The following PARD3 variants were observed in gnomAD, a reference collection of about 807,000 sequenced individuals.
PARD3 encodes partitioning defective 3 homolog.
In PARD3, 75 loss-of-function variants were observed where a neutral mutation model predicts 155.4. The observed-to-expected ratio is 0.48, with a 90% CI of 0.40 to 0.58. PARD3 has a LOEUF of 0.58. Among genes scored for constraint, PARD3 ranks in the 20% least tolerant of loss-of-function variants. The pLI is 0.00. For missense variants in PARD3, 1,642 were observed against 1,721.7 expected (o/e 0.95, Z 0.82); for synonymous variants, 576 against 610.5 (o/e 0.94, Z 0.83).
chr10:34,323,771 T>C (rs961683390), intron 19 of PARD3, among the ~76,000 whole-genome samples: 3 of 152,228 alleles, frequency 2.0e-5, no homozygotes, highest in Non-Finnish European at 4.4e-5. Context: ...CTCCCTTCCC[T>C]AGACAATGTT....
intron 2 of PARD3, among the ~76,000 whole-genome samples, chr10:34,601,169 C>T (rs145892040): frequency 1.4e-3 from 211 of 150,846 alleles, no homozygotes; most frequent in African/African-American, 5.0e-3. Context: ...CCTTGTAATC[C>T]TAATGCTTTG....
chr10:34,490,335 T>C (rs189471662), intron 3 of PARD3, among the ~76,000 whole-genome samples: 145 of 152,182 alleles, frequency 9.5e-4, no homozygotes, highest in Non-Finnish European at 1.4e-3. Flanking sequence ...TATTTTATTA[T>C]TAGGGGATTT....
At chr10:34,416,018 T>C (rs1345110608) in intron 5 of PARD3, among the ~76,000 whole-genome samples, 4 of 152,176 alleles carry the variant, frequency 2.6e-5, no homozygotes, top group Non-Finnish European at 4.4e-5. Context: ...GCTGTTCCTA[T>C]TCTAGGAATA....
intron 2 of PARD3, among the ~76,000 whole-genome samples, chr10:34,530,622 T>C (rs2082782467): frequency 6.6e-6 from 1 of 152,252 alleles, no homozygotes; most frequent in South Asian, 2.1e-4. Flanking sequence ...TTGTCAATTT[T>C]GTGAAGTCAT....
chr10:34,750,517 A>T (rs1159664424), intron 1 of PARD3, among the ~76,000 whole-genome samples: 1 of 150,140 alleles, frequency 6.7e-6, no homozygotes, highest in Non-Finnish European at 1.5e-5. Flanking sequence ...ACACCCTAAG[A>T]CTATAGAGGA....
At chr10:34,694,632 G>A (rs948728517) in intron 2 of PARD3, among the ~76,000 whole-genome samples, 5 of 151,674 alleles carry the variant, frequency 3.3e-5, no homozygotes, top group East Asian at 1.9e-4. Flanking sequence ...CACCACAGCC[G>A]GCTAATTTTT....
chr10:34,813,076 A>G (rs952868003), intron 1 of PARD3, among the ~76,000 whole-genome samples: 1 of 152,222 alleles, frequency 6.6e-6, no homozygotes, highest in Non-Finnish European at 1.5e-5. Flanking sequence ...GAACAGTGCC[A>G]TGGACACAGT....
intron 3 of PARD3, among the ~76,000 whole-genome samples, chr10:34,482,994 CA>C (rs11362384): frequency 0.059 from 8,435 of 142,666 alleles, 775 homozygotes; most frequent in African/African-American, 0.2. Flanking sequence ...ACTAAAAATA[CA>C]AAAAAAAAAA....
chr10:34,814,843 G>T, intron 1 of PARD3, 33 bp downstream of exon 1: 2 of 684,282 alleles, frequency 2.9e-6, no homozygotes, highest in South Asian at 1.7e-5. Flanking sequence ...CCCCGCCGCC[G>T]CCCCCTCCCC....
intron 1 of PARD3, among the ~76,000 whole-genome samples, chr10:34,799,141 A>C (rs1842613562): frequency 6.6e-6 from 1 of 152,152 alleles, no homozygotes; most frequent in Non-Finnish European, 1.5e-5. Context: ...TCCCGGGATC[A>C]AGCGATTCTC....
At chr10:34,494,000 G>A (rs2080101766) in intron 3 of PARD3, among the ~76,000 whole-genome samples, 1 of 152,150 alleles carries the variant, frequency 6.6e-6, no homozygotes. Flanking sequence ...TTTACACCAT[G>A]GAAATGGGAA....
At chr10:34,418,977 C>A (rs1253379078) in intron 5 of PARD3, among the ~76,000 whole-genome samples, 1 of 151,856 alleles carries the variant, frequency 6.6e-6, no homozygotes, top group East Asian at 1.9e-4. Context: ...CACTATGCTG[C>A]CCAGCCCAGG....
At chr10:34,747,459 A>G (rs1564574783) in intron 1 of PARD3, among the ~76,000 whole-genome samples, 1 of 152,220 alleles carries the variant, frequency 6.6e-6, no homozygotes, top group South Asian at 2.1e-4. Context: ...CTCCTACTTT[A>G]AAAAAAGAAA....
In PARD3 at chr10:34,802,005, TA is replaced by T. The variant is rs1478390563; in HGVS notation, c.120+12870del. On this transcript the variant is annotated intron_variant, in intron 1 of 24. Coordinates refer to ENST00000374788, the MANE Select transcript of PARD3 (RefSeq NM_001184785.2). ...TTATACTTTTATCCTTTCCAAGTTT[TA>T]AAAGTATTTTTAATGAAAAATGTGT... 2.0e-5 allele frequency among the ~76,000 whole-genome samples: 3 copies of T among 152,210 alleles called. No homozygotes were observed. The East Asian group carries it at 5.8e-4, about 29-fold the overall frequency.
intron 21 of PARD3, among the ~76,000 whole-genome samples, chr10:34,273,664 A>G (rs1955740510): frequency 6.6e-6 from 1 of 152,206 alleles, no homozygotes; most frequent in Non-Finnish European, 1.5e-5. Context: ...GATGAAGGGT[A>G]CATAGGACCT....
At chr10:34,176,084 A>C (rs1015756579) in intron 22 of PARD3, among the ~76,000 whole-genome samples, 1 of 152,186 alleles carries the variant, frequency 6.6e-6, no homozygotes, top group African/African-American at 2.4e-5. Flanking sequence ...ACTAAAAGTG[A>C]TCATTCTAAT....
intron 12 of PARD3, among the ~76,000 whole-genome samples, chr10:34,361,517 T>C (rs1353756443): frequency 6.6e-6 from 1 of 152,154 alleles, no homozygotes; most frequent in African/African-American, 2.4e-5. Context: ...AGAATAAAAA[T>C]CAACCCAAGG....
chr10:34,263,094 A>G (rs1955107015), intron 22 of PARD3, among the ~76,000 whole-genome samples: 1 of 152,218 alleles, frequency 6.6e-6, no homozygotes, highest in Admixed American at 6.5e-5. Flanking sequence ...ACCTGTCTTT[A>G]TTGATTTCAA....
intron 2 of PARD3, among the ~76,000 whole-genome samples, chr10:34,631,149 G>A (rs2092251003): frequency 6.6e-6 from 1 of 152,054 alleles, no homozygotes; most frequent in Admixed American, 6.6e-5. Flanking sequence ...AAATCCACAA[G>A]TCATCATAAT....
Sources: gnomAD v4.1 joint callset for allele counts (sites outside exome capture counted in the v4.1 genomes callset) on GRCh38, gnomAD v4.1.1 for gene constraint, MANE v1.5 for transcripts, NCBI Gene and HGNC (gene_info 2026-07-23, HGNC 2026-07-21) for gene names.